The following GALK2 variants were observed in gnomAD, a reference collection of about 807,000 sequenced individuals.
GALK2 encodes the protein N-acetylgalactosamine kinase.
Under a neutral mutation model 52.4 loss-of-function variants are expected in GALK2, and 36 were observed. The observed-to-expected ratio is 0.69, with a 90% CI of 0.53 to 0.91. GALK2 has a LOEUF of 0.91. Ranked by LOEUF, GALK2 falls within the 40% of genes least tolerant of loss-of-function variation. The pLI is 0.00. For synonymous variants in GALK2, 176 were observed against 199.1 expected, an observed-to-expected ratio of 0.88 and a Z score of 0.98; for missense variants, 579 against 559.1, an observed-to-expected ratio of 1.04 and a Z score of -0.36.
rs76761468 is a variant in GALK2 at position 49,245,453 on chromosome 15, A to T, written c.504+6086A>T. On this transcript the variant is annotated intron_variant, in intron 5 of 9. Transcript: ENST00000560031. ...AAGATAGAAGAACTGAATAGAATGA[A>T]AAATAAGAATGGAAATAGAATGAAA... Among the ~76,000 whole-genome samples the T allele has an allele frequency of 2.3e-3, 357 of 152,310 alleles. 2 individuals are homozygous for T. The highest frequency in any genetic ancestry group is 8.4e-3 in the African/African-American group (351 of 41,566).
At chr15:49,351,361 C>T (rs934556369) in intron 3 of GALK2, among the ~76,000 whole-genome samples, 13 of 152,180 alleles carry the variant, frequency 8.5e-5, no homozygotes, top group African/African-American at 2.7e-4. Flanking sequence ...AAAGAAGATA[C>T]GGCCAATTCC....
At chr15:49,248,834 C>A (rs887957043) in intron 5 of GALK2, among the ~76,000 whole-genome samples, 2 of 152,018 alleles carry the variant, frequency 1.3e-5, no homozygotes, top group Non-Finnish European at 2.9e-5. Context: ...TTACCTTTAG[C>A]GTAAACGAAG....
chr15:49,329,806 TAA>T lies in GALK2; in HGVS notation c.*1663_*1664del, dbSNP rs558009170. The T allele has an allele frequency of 0.054, 38,610 of 712,290 alleles. 3 individuals are homozygous for T. Among genetic ancestry groups the T allele is most frequent in the Middle Eastern group, 0.064 (89 of 1,382 alleles). 44.1% of individuals were successfully genotyped at this position (712,290 alleles called of 1,614,324 possible). ...TTCTTTAAAGATACCTGGATCAGTG[TAA>T]AAAAAAAAAAAAAAAGGCACCTGTC... On this transcript the variant is annotated 3_prime_UTR_variant, in exon 10 of 10. Coordinates refer to ENST00000560031, the MANE Select transcript of GALK2 (RefSeq NM_002044.4).
intron 5 of GALK2, among the ~76,000 whole-genome samples, chr15:49,256,308 A>G (rs1229905796): frequency 1.3e-5 from 2 of 152,186 alleles, no homozygotes; most frequent in Non-Finnish European, 2.9e-5. Flanking sequence ...GCCCGTCTAG[A>G]TAAATTGGTA....
chr15:49,250,333 G>T (rs1421041917), intron 5 of GALK2, among the ~76,000 whole-genome samples: 2 of 152,112 alleles, frequency 1.3e-5, no homozygotes, highest in African/African-American at 4.8e-5. Flanking sequence ...CAAAGATTTG[G>T]AGGTTATTAC....
intron 4 of GALK2, among the ~76,000 whole-genome samples, chr15:49,237,528 G>A (rs1191747245): frequency 6.6e-6 from 1 of 152,078 alleles, no homozygotes; most frequent in African/African-American, 2.4e-5. Flanking sequence ...CCAGGCTGGA[G>A]TGTAGTGGCG....
intron 5 of GALK2, among the ~76,000 whole-genome samples, chr15:49,274,639 T>TA (rs1156745642): frequency 6.6e-6 from 1 of 152,106 alleles, no homozygotes; most frequent in Non-Finnish European, 1.5e-5. Flanking sequence ...AACTTAAAAT[T>TA]AAAAAAAATT....
intron 3 of GALK2, among the ~76,000 whole-genome samples, chr15:49,219,737 G>A (rs367719298): frequency 6.6e-6 from 1 of 152,136 alleles, no homozygotes; most frequent in South Asian, 2.1e-4. Context: ...CTTGAACCTC[G>A]GAGGTGGAGG....
chr15:49,325,002 T>C (rs1412056389), intron 9 of GALK2, among the ~76,000 whole-genome samples: 1 of 152,208 alleles, frequency 6.6e-6, no homozygotes, highest in African/African-American at 2.4e-5. Flanking sequence ...ACCTTCCCTC[T>C]TTTTCAAGTG....
At chr15:49,340,402 C>T (rs1429275414) in intron 3 of GALK2, among the ~76,000 whole-genome samples, 8 of 91,186 alleles carry the variant, frequency 8.8e-5, no homozygotes, top group Middle Eastern at 5.2e-3. Flanking sequence ...GGCAGTGCCC[C>T]GCCCCCCCCC....
At chr15:49,182,685 A>G (rs1222487144) in intron 1 of GALK2, among the ~76,000 whole-genome samples, 1 of 152,160 alleles carries the variant, frequency 6.6e-6, no homozygotes, top group Non-Finnish European at 1.5e-5. Flanking sequence ...AAGCCATTGT[A>G]GCTTGGGTGA....
chr15:49,247,324 T>G (rs538189757), intron 5 of GALK2, among the ~76,000 whole-genome samples: 58 of 152,138 alleles, frequency 3.8e-4, no homozygotes, highest in African/African-American at 1.4e-3. Context: ...TGGAAAACCT[T>G]TGGAGGGCTG....
chr15:49,193,209 G>C lies in GALK2; in HGVS notation c.54-7953G>C, dbSNP rs193196545. On this transcript the variant is annotated intron_variant, in intron 1 of 9. Coordinates refer to ENST00000560031, the MANE Select transcript of GALK2 (RefSeq NM_002044.4). ...GACAGGGTTTCACCATGTTAGCCAG[G>C]CTGGTCTCGAACTCCTGACCTCAGG... is the stretch of plus-strand genomic sequence containing the variant. Among the ~76,000 whole-genome samples the C allele has an allele frequency of 1.8e-4, 28 of 152,056 alleles. No homozygotes were observed. The South Asian group carries it at 2.1e-3, about 11-fold the overall frequency.
At chr15:49,293,163 A>C (rs2034113503) in intron 8 of GALK2, among the ~76,000 whole-genome samples, 1 of 152,126 alleles carries the variant, frequency 6.6e-6, no homozygotes, top group Admixed American at 6.5e-5. Flanking sequence ...GCGGATGGTT[A>C]TGGGGGATGA....
chr15:49,283,033 C>G (rs1477936745), intron 6 of GALK2, among the ~76,000 whole-genome samples: 1 of 152,162 alleles, frequency 6.6e-6, no homozygotes, highest in Non-Finnish European at 1.5e-5. Flanking sequence ...CCTCTCACCA[C>G]TTCTCACCCC....
At chr15:49,194,245 G>C (rs2087012539) in intron 1 of GALK2, 1 of 152,162 alleles carries the variant, frequency 6.6e-6, no homozygotes, top group East Asian at 1.9e-4. Context: ...AGAATTGCTT[G>C]AACCAGGGAG....
intron 2 of GALK2, among the ~76,000 whole-genome samples, chr15:49,213,459 G>T: frequency 6.6e-6 from 1 of 152,102 alleles, no homozygotes; most frequent in East Asian, 1.9e-4. Context: ...CATTGTCTAG[G>T]TTTTAAGCCC....
chr15:49,324,969 T>C (rs1323004243), intron 9 of GALK2, among the ~76,000 whole-genome samples: 1 of 152,160 alleles, frequency 6.6e-6, no homozygotes, highest in Non-Finnish European at 1.5e-5. Flanking sequence ...GACACAGAAT[T>C]TAAATACAAG....
chr15:49,229,964 AG>A (rs1381614441), intron 3 of GALK2, among the ~76,000 whole-genome samples: 1 of 152,092 alleles, frequency 6.6e-6, no homozygotes, highest in African/African-American at 2.4e-5. Flanking sequence ...GCTGTGAGTG[AG>A]GGAGTCTGTA....
Sources: gnomAD v4.1 joint callset for allele counts (sites outside exome capture counted in the v4.1 genomes callset) on GRCh38, gnomAD v4.1.1 for gene constraint, MANE v1.5 for transcripts, NCBI Gene and HGNC (gene_info 2026-07-23, HGNC 2026-07-21) for gene names.